Variants in SDK1 observed in about 807,000 individuals in gnomAD.
The protein encoded by SDK1 is protein sidekick-1.
A neutral mutation model predicts 245.5 loss-of-function variants in SDK1; 157 were observed. The ratio of observed to expected loss-of-function variants is 0.64; its 90% CI spans 0.56 to 0.73. The LOEUF (loss-of-function observed/expected upper bound fraction) is 0.73, where lower values mean the gene tolerates loss of function less well. Among genes scored for constraint, SDK1 ranks in the 30% least tolerant of loss-of-function variants. SDK1 has a pLI of 0.00. For synonymous variants in SDK1, 1,647 were observed against 1,278.5 expected (o/e 1.29, Z -6.15); for missense variants, 3,583 against 3,002.3 (o/e 1.19, Z -4.52).
At chr7:3,702,208 A>G (rs1784760935) in intron 4 of SDK1, among the ~76,000 whole-genome samples, 1 of 152,220 alleles carries the variant, frequency 6.6e-6, no homozygotes, top group Admixed American at 6.5e-5. Flanking sequence ...GACTGTAATA[A>G]ACTATTTCTA....
chr7:4,249,512 C>A (rs919078389), intron 44 of SDK1, among the ~76,000 whole-genome samples: 5 of 152,206 alleles, frequency 3.3e-5, no homozygotes, highest in African/African-American at 1.2e-4. Context: ...CAGACATGCT[C>A]TCCACCTACA....
intron 1 of SDK1, among the ~76,000 whole-genome samples, chr7:3,607,315 T>C (rs1000680795): frequency 6.6e-6 from 1 of 152,234 alleles, no homozygotes; most frequent in Non-Finnish European, 1.5e-5. Flanking sequence ...CTACAACTTC[T>C]GTGTTATACA....
At chr7:3,927,052 A>C (rs914746125) in intron 5 of SDK1, among the ~76,000 whole-genome samples, 4 of 152,146 alleles carry the variant, frequency 2.6e-5, no homozygotes, top group Admixed American at 6.5e-5. Context: ...ACTGTCCACC[A>C]GTGGGGTTCC....
intron 5 of SDK1, among the ~76,000 whole-genome samples, chr7:3,879,726 A>G (rs921183026): frequency 3.3e-5 from 5 of 152,136 alleles, no homozygotes; most frequent in East Asian, 1.9e-4. Flanking sequence ...CTTCCCCTAC[A>G]CAAACACTGC....
intron 1 of SDK1, among the ~76,000 whole-genome samples, chr7:3,581,137 T>G (rs1455316666): frequency 6.6e-6 from 1 of 152,184 alleles, no homozygotes; most frequent in Non-Finnish European, 1.5e-5. Context: ...TAATAGCTTT[T>G]GCAGAGCAAA....
chr7:3,375,531 G>C (rs1010814117), intron 1 of SDK1, among the ~76,000 whole-genome samples: 1 of 152,172 alleles, frequency 6.6e-6, no homozygotes, highest in Non-Finnish European at 1.5e-5. Context: ...AGAATGAAGA[G>C]GATAGTGTGT....
intron 5 of SDK1, among the ~76,000 whole-genome samples, chr7:3,867,701 A>G (rs1410691897): frequency 1.3e-5 from 2 of 152,188 alleles, no homozygotes; most frequent in Non-Finnish European, 2.9e-5. Context: ...ATGGGAATTC[A>G]AGATGAGATT....
At chr7:3,919,291 G>A (rs1250474605) in intron 5 of SDK1, among the ~76,000 whole-genome samples, 1 of 152,196 alleles carries the variant, frequency 6.6e-6, no homozygotes, top group Non-Finnish European at 1.5e-5. Flanking sequence ...GCAAGATCTG[G>A]GGTGCATGGC....
At chr7:3,890,517 T>C (rs1781433889) in intron 5 of SDK1, among the ~76,000 whole-genome samples, 1 of 152,182 alleles carries the variant, frequency 6.6e-6, no homozygotes, top group South Asian at 2.1e-4. Flanking sequence ...ATGTGTAACA[T>C]GGACTATGCA....
At chr7:3,349,343 C>T (rs992225260) in intron 1 of SDK1, among the ~76,000 whole-genome samples, 1 of 151,104 alleles carries the variant, frequency 6.6e-6, no homozygotes, top group Admixed American at 6.6e-5. Context: ...GAACGTCATT[C>T]TTGGAGTTAC....
chr7:3,763,512 C>T (rs1196914201), intron 4 of SDK1, among the ~76,000 whole-genome samples: 1 of 152,170 alleles, frequency 6.6e-6, no homozygotes, highest in Non-Finnish European at 1.5e-5. Flanking sequence ...TGATACATTT[C>T]AAAGCTGCAG....
At chr7:4,081,223 G>A (rs1461433056) in intron 22 of SDK1, among the ~76,000 whole-genome samples, 1 of 152,174 alleles carries the variant, frequency 6.6e-6, no homozygotes, top group Non-Finnish European at 1.5e-5. Context: ...ATCCAGGCAG[G>A]CCTAGGAGTG....
intron 1 of SDK1, among the ~76,000 whole-genome samples, chr7:3,507,002 T>G (rs1472669933): frequency 6.6e-6 from 1 of 152,170 alleles, no homozygotes; most frequent in Non-Finnish European, 1.5e-5. Context: ...GGAAGCTACC[T>G]TACAAGTATG....
At chr7:3,933,940 G>C (rs1780068701) in intron 5 of SDK1, among the ~76,000 whole-genome samples, 1 of 152,154 alleles carries the variant, frequency 6.6e-6, no homozygotes, top group Non-Finnish European at 1.5e-5. Context: ...TTTTCCCATG[G>C]CTAGGGGAAG....
At chr7:3,807,634 C>T (rs900685880) in intron 4 of SDK1, among the ~76,000 whole-genome samples, 3 of 152,114 alleles carry the variant, frequency 2.0e-5, no homozygotes, top group Non-Finnish European at 4.4e-5. Context: ...AACTGTTAAC[C>T]TCACAACAAA....
At chr7:3,843,718 G>A (rs1050972408) in intron 5 of SDK1, among the ~76,000 whole-genome samples, 1 of 152,284 alleles carries the variant, frequency 6.6e-6, no homozygotes, top group Non-Finnish European at 1.5e-5. Context: ...CTCGCCTGAC[G>A]ATGAAGCCAT....
At chr7:3,665,419 G>C (rs947086271) in intron 4 of SDK1, among the ~76,000 whole-genome samples, 1 of 151,994 alleles carries the variant, frequency 6.6e-6, no homozygotes, top group Non-Finnish European at 1.5e-5. Flanking sequence ...AGCCTCTGCT[G>C]CCTTATATCA....
intron 32 of SDK1, 74 bp from the exon 33 acceptor site, chr7:4,174,148 T>C (rs1323738915): frequency 6.5e-7 from 1 of 1,531,270 alleles, no homozygotes; most frequent in Non-Finnish European, 9.0e-7. Flanking sequence ...TAAACAGGGG[T>C]GGAGGTGAGC....
intron 4 of SDK1, among the ~76,000 whole-genome samples, chr7:3,713,728 A>AT (rs1273783353): frequency 2.0e-5 from 3 of 152,246 alleles, no homozygotes; most frequent in African/African-American, 7.2e-5. Flanking sequence ...CATGTGGAGA[A>AT]TGTACTCCCT....
Sources: gnomAD v4.1 joint callset for allele counts (sites outside exome capture counted in the v4.1 genomes callset) on GRCh38, gnomAD v4.1.1 for gene constraint, MANE v1.5 for transcripts, NCBI Gene and HGNC (gene_info 2026-07-23, HGNC 2026-07-21) for gene names.